DCTD: variants seen among roughly 807,000 people sequenced by gnomAD.
DCTD encodes the protein dCMP deaminase.
Under a neutral mutation model 21.0 loss-of-function variants are expected in DCTD, and 23 were observed. That is an observed-to-expected ratio of 1.09 (90% CI 0.79 to 1.55). DCTD has a LOEUF of 1.55. Among genes scored for constraint, DCTD ranks in the 40% most tolerant of loss-of-function variants. DCTD has a pLI of 0.00. For missense variants in DCTD, 224 were observed against 230.0 expected, an observed-to-expected ratio of 0.97 and a Z score of 0.17; for synonymous variants, 71 against 81.1, an observed-to-expected ratio of 0.88 and a Z score of 0.67.
At chr4:182,908,682 C>CAAAAAAA (rs34915632) in intron 3 of DCTD, among the ~76,000 whole-genome samples, 13 of 63,704 alleles carry the variant, frequency 2.0e-4, no homozygotes, top group African/African-American at 2.9e-4. Context: ...GACTCTGTCT[C>CAAAAAAA]AAAAAAAAAA....
intron 3 of DCTD, among the ~76,000 whole-genome samples, chr4:182,913,268 A>C (rs1341625905): frequency 6.6e-6 from 1 of 151,998 alleles, no homozygotes; most frequent in Non-Finnish European, 1.5e-5. Context: ...CCCTCCCCCA[A>C]CTCCATCCTC....
rs184881494 is a variant in DCTD, at chr4:182,907,031, C to T, written c.244+7892G>A. 1.1e-3 allele frequency among the ~76,000 whole-genome samples: 169 copies of T among 152,350 alleles called. 1 individual carries two copies. The highest frequency in any genetic ancestry group is 0.01 in the Middle Eastern group (3 of 294). On this transcript the variant is annotated intron_variant, in intron 3 of 5. Transcript: ENST00000438320. The stretch of plus-strand genomic sequence containing the variant: ...TGCTGACTTGTTCTCTAAAGAATTT[C>T]TAAAGTCCTTTCTTTCTATTTGGTC...
intron 3 of DCTD, among the ~76,000 whole-genome samples, chr4:182,900,688 A>C (rs1468967678): frequency 1.3e-5 from 2 of 152,228 alleles, no homozygotes; most frequent in Non-Finnish European, 2.9e-5. Context: ...CAAACAGTAC[A>C]TATATATTTG....
intron 3 of DCTD, among the ~76,000 whole-genome samples, chr4:182,895,417 G>A (rs1323638597): frequency 1.3e-5 from 2 of 152,196 alleles, no homozygotes; most frequent in African/African-American, 2.4e-5. Flanking sequence ...AAATGGCAAT[G>A]ACTAGTTGAG....
chr4:182,902,656 C>T (rs376994027), intron 3 of DCTD, among the ~76,000 whole-genome samples: 64 of 152,360 alleles, frequency 4.2e-4, no homozygotes, highest in African/African-American at 1.5e-3. Context: ...TTAAAACTTT[C>T]GCAGTTTCCC....
chr4:182,915,094 A>T, intron 2 of DCTD, 36 bp from the exon 3 acceptor site: 1 of 1,614,044 alleles, frequency 6.2e-7, no homozygotes, highest in South Asian at 1.1e-5. Flanking sequence ...TGGTGCCTGC[A>T]ACTGGCTGGT....
rs3811810 is a variant in DCTD at position 182,890,990 on chromosome 4, C to T, written c.*409G>A. 1,010 of 165,736 alleles carry T rather than the reference C, an allele frequency of 6.1e-3. 27 individuals carry two copies. The South Asian group carries it at 0.073, about 12-fold the overall frequency. The allele number at this position is 165,736 out of a possible 1,614,324, so 10.3% of individuals were successfully genotyped here. A position where few individuals can be genotyped will look rare whatever the true frequency, so the allele number is the denominator to read the frequency against. Reference sequence around the variant, plus strand: ...AGATGTTCAGATCAGTGTGTCTGCTCGTCCCCATTAAGAACACAACCACAA... The same window carrying T: ...AGATGTTCAGATCAGTGTGTCTGCTTGTCCCCATTAAGAACACAACCACAA... On this transcript the variant is annotated 3_prime_UTR_variant, in exon 6 of 6. Transcript: ENST00000438320.
chr4:182,914,138 G>A (rs1561347244), intron 3 of DCTD, among the ~76,000 whole-genome samples: 1 of 152,160 alleles, frequency 6.6e-6, no homozygotes, highest in African/African-American at 2.4e-5. Flanking sequence ...CTCCCGAGTA[G>A]CTGAGATTAC....
chr4:182,893,129 TG>T lies in DCTD; in HGVS notation c.362-3del. On this transcript the variant is annotated splice_region_variant and splice_polypyrimidine_tract_variant and intron_variant, in intron 4 of 5. Coordinates refer to ENST00000438320, the MANE Select transcript of DCTD (RefSeq NM_001921.3). ...ACATGAAAATCACTTCTTTTATACC[TG>T]TAAGGTAACAATGGGAGCTCCCTTA... 1 of 1,583,080 alleles carries T rather than the reference TG, an allele frequency of 6.3e-7. No homozygotes were observed. Among genetic ancestry groups the T allele is most frequent in the Non-Finnish European group, 8.7e-7 (1 of 1,153,808 alleles).
At chr4:182,904,978 C>T (rs925898087) in intron 3 of DCTD, among the ~76,000 whole-genome samples, 1 of 152,184 alleles carries the variant, frequency 6.6e-6, no homozygotes, top group Non-Finnish European at 1.5e-5. Context: ...CAAATGTCTG[C>T]TACAGAAAAG....
At chr4:182,902,495 C>T (rs1380490632) in intron 3 of DCTD, among the ~76,000 whole-genome samples, 1 of 152,214 alleles carries the variant, frequency 6.6e-6, no homozygotes, top group Non-Finnish European at 1.5e-5. Context: ...TGCTCCCCGC[C>T]CCTCTCCTGG....
intron 3 of DCTD, among the ~76,000 whole-genome samples, chr4:182,903,478 G>A (rs1408166127): frequency 1.3e-5 from 2 of 152,176 alleles, no homozygotes; most frequent in Non-Finnish European, 2.9e-5. Flanking sequence ...GAGAAACGGG[G>A]GTGATGTGGA....
intron 3 of DCTD, among the ~76,000 whole-genome samples, chr4:182,901,587 G>A (rs1007709079): frequency 1.3e-4 from 20 of 152,092 alleles, no homozygotes; most frequent in African/African-American, 3.9e-4. Context: ...AGGCTGAGCC[G>A]TTCAGAGCAC....
chr4:182,913,225 C>T (rs1268540003), intron 3 of DCTD, among the ~76,000 whole-genome samples: 1 of 152,168 alleles, frequency 6.6e-6, no homozygotes, highest in East Asian at 1.9e-4. Context: ...CCACTACCAC[C>T]GGCTCTGAAG....
intron 3 of DCTD, among the ~76,000 whole-genome samples, chr4:182,911,939 C>G (rs1179770918): frequency 6.6e-6 from 1 of 152,072 alleles, no homozygotes; most frequent in Admixed American, 6.5e-5. Flanking sequence ...AAAAGAGGGT[C>G]CTGTACATTC....
chr4:182,899,573 G>T (rs1361835052), intron 3 of DCTD, among the ~76,000 whole-genome samples: 1 of 151,984 alleles, frequency 6.6e-6, no homozygotes, highest in Non-Finnish European at 1.5e-5. Context: ...GCTAATTCTT[G>T]TATTTTTAGT....
chr4:182,902,194 G>A (rs74665501), intron 3 of DCTD, among the ~76,000 whole-genome samples: 3,245 of 152,254 alleles, frequency 0.021, 42 homozygotes, highest in Non-Finnish European at 0.031. Flanking sequence ...AGCCGCGACA[G>A]TTAAGCCCCC....
At chr4:182,910,550 T>C (rs1737500112) in intron 3 of DCTD, among the ~76,000 whole-genome samples, 1 of 152,136 alleles carries the variant, frequency 6.6e-6, no homozygotes, top group South Asian at 2.1e-4. Flanking sequence ...AAAATAAAAA[T>C]CTTCCCAAGT....
At chr4:182,893,875 T>C (rs1734259118) in intron 4 of DCTD, among the ~76,000 whole-genome samples, 1 of 152,236 alleles carries the variant, frequency 6.6e-6, no homozygotes, top group Non-Finnish European at 1.5e-5. Flanking sequence ...ACCACACATT[T>C]GGCTAAACAT....
Sources: allele counts gnomAD v4.1 joint callset (sites outside exome capture counted in the v4.1 genomes callset), GRCh38; gene constraint gnomAD v4.1.1; transcripts MANE v1.5; gene names NCBI Gene and HGNC (gene_info 2026-07-23, HGNC 2026-07-21).